Variants in TRPM7 observed in about 807,000 individuals in gnomAD.
The protein encoded by TRPM7 is LTRPC ion channel family member 7.
TRPM7 carries 134 observed loss-of-function variants against 229.7 expected under a neutral mutation model. The observed-to-expected ratio is 0.58, with a 90% CI of 0.51 to 0.67. The LOEUF (loss-of-function observed/expected upper bound fraction) is 0.67, where lower values mean the gene tolerates loss of function less well. Ranked by LOEUF, TRPM7 falls within the 30% of genes least tolerant of loss-of-function variation. The pLI, the probability that TRPM7 is intolerant of heterozygous loss-of-function variation, is 0.00. For missense variants in TRPM7, 1,901 were observed against 2,210.0 expected (o/e 0.86, Z 2.80); for synonymous variants, 699 against 715.2 (o/e 0.98, Z 0.36).
chr15:50,631,524 A>G (rs370459909), intron 9 of TRPM7, 35 bp from the exon 10 acceptor site: 57 of 1,424,990 alleles, frequency 4.0e-5, no homozygotes, highest in Non-Finnish European at 3.9e-5. Context: ...TTATGCCTTT[A>G]TATTTTTAAA....
chr15:50,591,413 T>G (rs529530367), intron 26 of TRPM7, among the ~76,000 whole-genome samples: 81 of 152,166 alleles, frequency 5.3e-4, no homozygotes, highest in African/African-American at 1.9e-3. Flanking sequence ...AGACAGAACC[T>G]AAAATTCCAT....
At chr15:50,680,123 A>T (rs938055979) in intron 1 of TRPM7, among the ~76,000 whole-genome samples, 2 of 151,902 alleles carry the variant, frequency 1.3e-5, no homozygotes, top group African/African-American at 2.4e-5. Context: ...AATCCTAGCT[A>T]CTCGGGAGGC....
intron 26 of TRPM7, among the ~76,000 whole-genome samples, chr15:50,591,554 T>C (rs185170521): frequency 1.3e-5 from 2 of 151,914 alleles, no homozygotes; most frequent in Admixed American, 6.6e-5. Context: ...TATGGTGCAG[T>C]TGTGTGATCA....
Position 50,574,888 on chromosome 15 carries a change from AAT to A in TRPM7, c.4981_4982del (p.Ile1661LeufsTer28). ...GATGCAGAACTGTATCTTCTTTGTA[AAT>A]ACTTGACCATGTATTAACCACCTCT... ...LPEVVNTWSSIYKEDTVLHLC... is the reference protein window; with the variant it reads ...LPEVVNTWSSXYKEDTVLHLC... On this transcript the variant is annotated frameshift_variant, in exon 34 of 39. Transcript: ENST00000646667. LOFTEE classifies it high-confidence loss of function. 6.2e-7 allele frequency: 1 copy of A among 1,613,318 alleles called. No homozygotes were observed. The highest frequency in any genetic ancestry group is 8.5e-7 in the Non-Finnish European group (1 of 1,179,464).
At chr15:50,658,617 T>C (rs1413245086) in intron 2 of TRPM7, among the ~76,000 whole-genome samples, 1 of 148,280 alleles carries the variant, frequency 6.7e-6, no homozygotes, top group African/African-American at 2.5e-5. Flanking sequence ...ACAGAGAGAG[T>C]CTGGTATCTG....
intron 10 of TRPM7, among the ~76,000 whole-genome samples, chr15:50,629,158 TA>T (rs1223270652): frequency 6.6e-6 from 1 of 150,970 alleles, no homozygotes; most frequent in African/African-American, 2.5e-5. Flanking sequence ...GGTACAAGGA[TA>T]TATACTTTAA....
chr15:50,641,574 G>A (rs1011853692), intron 5 of TRPM7, among the ~76,000 whole-genome samples: 8 of 152,016 alleles, frequency 5.3e-5, no homozygotes, highest in South Asian at 2.1e-4. Context: ...CATCTAACAC[G>A]TTATACATTA....
At chr15:50,628,296 C>A in intron 10 of TRPM7, 47 bp from the exon 11 acceptor site, 4 of 1,368,652 alleles carry the variant, frequency 2.9e-6, no homozygotes, top group South Asian at 2.5e-5. Flanking sequence ...AATTTATCTC[C>A]ATTAAAAGGT....
At chr15:50,625,249 T>C (rs749291217) in intron 11 of TRPM7, among the ~76,000 whole-genome samples, 11 of 152,222 alleles carry the variant, frequency 7.2e-5, no homozygotes, top group Non-Finnish European at 1.5e-4. Flanking sequence ...CAAAAATCAA[T>C]ACAAAACCAC....
intron 10 of TRPM7, 152 bp from the exon 11 acceptor site, chr15:50,628,401 G>A (rs1406404935): frequency 7.0e-6 from 4 of 569,132 alleles, no homozygotes; most frequent in Non-Finnish European, 1.2e-5. Flanking sequence ...TTGAATTCCT[G>A]GGTTCAAGTG....
At chr15:50,638,890 A>T (rs999435923) in intron 6 of TRPM7, among the ~76,000 whole-genome samples, 1 of 152,176 alleles carries the variant, frequency 6.6e-6, no homozygotes, top group African/African-American at 2.4e-5. Context: ...CATGTTGGCC[A>T]GGCTGGTCGT....
intron 8 of TRPM7, among the ~76,000 whole-genome samples, chr15:50,633,585 T>C (rs994545580): frequency 2.0e-5 from 3 of 152,178 alleles, no homozygotes; most frequent in African/African-American, 7.2e-5. Context: ...ATATATATGC[T>C]TCTCTACACC....
Position 50,637,129 on chromosome 15 carries a change from G to GAA in TRPM7, c.832+291_832+292dup, listed in dbSNP as rs34279292. Among the ~76,000 whole-genome samples the GAA allele has an allele frequency of 3.6e-3, 484 of 133,222 alleles. 2 individuals are homozygous for GAA. The highest frequency in any genetic ancestry group is 9.6e-3 in the African/African-American group (338 of 35,254). The allele number at this position is 133,222 out of a possible 152,430, so 87.4% of individuals were successfully genotyped here. On this transcript the variant is annotated intron_variant, in intron 7 of 38. Transcript: ENST00000646667. ...TGACAGAGCGAGACTCCGCCTCAAA[G>GAA]AAAAAAAAAAAAAAAGAATATTTAT...
At chr15:50,577,158 T>TG (rs1038219237) in intron 31 of TRPM7, among the ~76,000 whole-genome samples, 13 of 149,032 alleles carry the variant, frequency 8.7e-5, no homozygotes, top group South Asian at 4.3e-4. Flanking sequence ...AAAGTGTGTG[T>TG]GGGGGGGTAA....
intron 30 of TRPM7, 97 bp downstream of exon 30, chr15:50,580,777 A>C: frequency 8.8e-7 from 1 of 1,130,708 alleles, no homozygotes; most frequent in Non-Finnish European, 1.2e-6. Flanking sequence ...ATCACTCATA[A>C]AGAAATGTTA....
intron 2 of TRPM7, among the ~76,000 whole-genome samples, chr15:50,660,524 G>A (rs1047679501): frequency 2.6e-5 from 4 of 152,086 alleles, no homozygotes; most frequent in South Asian, 2.1e-4. Flanking sequence ...GCGTGGTAGC[G>A]CATGCCTATA....
Position 50,613,775 on chromosome 15 carries a change from T to G in TRPM7, c.1702A>C (p.Arg568=). The G allele has an allele frequency of 2.5e-6, 4 of 1,614,050 alleles. No homozygotes were observed. Among genetic ancestry groups the G allele is most frequent in the Non-Finnish European group, 3.4e-6 (4 of 1,179,962 alleles). The part of the protein sequence containing the change: ...LRKSHESFGN[R]ADKKEKMRHN... ...CTCATTTTTTCCTTTTTATCTGCCCTATTGCCAAAAGATTCATGACTCTTT... is the reference window on the plus strand; with the variant it reads ...CTCATTTTTTCCTTTTTATCTGCCCGATTGCCAAAAGATTCATGACTCTTT... Residue 568 remains arginine (R), a synonymous_variant, in exon 15 of 39, where the codon AGG becomes CGG. Coordinates refer to ENST00000646667, the MANE Select transcript of TRPM7 (RefSeq NM_017672.6).
At chr15:50,601,419 G>A (rs963739931) in intron 21 of TRPM7, among the ~76,000 whole-genome samples, 9 of 152,136 alleles carry the variant, frequency 5.9e-5, no homozygotes, top group South Asian at 2.1e-4. Context: ...CGAGGCAGGC[G>A]GATCACAAGG....
At chr15:50,565,635 T>C (rs1480132403) in intron 38 of TRPM7, among the ~76,000 whole-genome samples, 1 of 151,974 alleles carries the variant, frequency 6.6e-6, no homozygotes, top group Non-Finnish European at 1.5e-5. Flanking sequence ...GACAGACAAA[T>C]CCAATTATAT....
Sources: gnomAD v4.1 joint callset for allele counts (sites outside exome capture counted in the v4.1 genomes callset) on GRCh38, gnomAD v4.1.1 for gene constraint, MANE v1.5 for transcripts, NCBI Gene and HGNC (gene_info 2026-07-23, HGNC 2026-07-21) for gene names.